The following ZNF536 variants were observed in gnomAD, a reference collection of about 807,000 sequenced individuals.
ZNF536 encodes zinc finger protein 536.
A neutral mutation model predicts 84.5 loss-of-function variants in ZNF536; 13 were observed. That is an observed-to-expected ratio of 0.15 (90% confidence interval 0.10 to 0.24). The LOEUF (loss-of-function observed/expected upper bound fraction) is 0.24, where lower values mean the gene tolerates loss of function less well. ZNF536 is among the 10% of genes least tolerant of loss of function. The pLI, the probability that ZNF536 is intolerant of heterozygous loss-of-function variation, is 1.00. For missense variants in ZNF536, 1,536 were observed against 1,747.5 expected (o/e 0.88, Z 2.16); for synonymous variants, 811 against 742.5 (o/e 1.09, Z -1.50).
chr19:30,287,694 A>G (rs1442044658), intron 2 of ZNF536, among the ~76,000 whole-genome samples: 8 of 116,566 alleles, frequency 6.9e-5, no homozygotes, highest in South Asian at 3.3e-4. Flanking sequence ...GGATGGATGG[A>G]TGGATGGATG....
intron 2 of ZNF536, among the ~76,000 whole-genome samples, chr19:30,493,842 G>A (rs1006104671): frequency 6.6e-6 from 1 of 151,378 alleles, no homozygotes; most frequent in Non-Finnish European, 1.5e-5. Flanking sequence ...GGGAGATACG[G>A]TGTGTAAAGC....
At chr19:30,586,844 G>T (rs1599890738) in intron 1 of ZNF536, among the ~76,000 whole-genome samples, 1 of 152,150 alleles carries the variant, frequency 6.6e-6, no homozygotes, top group East Asian at 1.9e-4. Flanking sequence ...TCAACTTCAA[G>T]AATCAGTTGC....
chr19:30,484,386 C>G (rs555492664), intron 2 of ZNF536, among the ~76,000 whole-genome samples: 1 of 146,678 alleles, frequency 6.8e-6, no homozygotes, highest in South Asian at 2.1e-4. Flanking sequence ...ACCGTCATGC[C>G]CAGCTTTTTT....
intron 1 of ZNF536, among the ~76,000 whole-genome samples, chr19:30,412,148 C>T (rs905084135): frequency 5.9e-5 from 9 of 151,902 alleles, no homozygotes; most frequent in Non-Finnish European, 1.3e-4. Flanking sequence ...TTCTTTGGAT[C>T]TTTTAGGTAC....
intron 2 of ZNF536, among the ~76,000 whole-genome samples, chr19:30,326,335 C>T (rs1242615350): frequency 1.3e-5 from 2 of 152,122 alleles, no homozygotes; most frequent in African/African-American, 4.8e-5. Flanking sequence ...ACAGTGGGCT[C>T]AGAAAGTCTG....
In ZNF536 at chr19:30,266,223, T is replaced by C. The variant is rs1024533426; in HGVS notation, c.-189-17849T>C. 2.0e-5 allele frequency among the ~76,000 whole-genome samples: 3 copies of C among 152,032 alleles called. No individual in the cohort carries two copies. In the East Asian group the frequency reaches 5.8e-4, roughly 29 times the overall value. On this transcript the variant is annotated intron_variant, in intron 1 of 5. Coordinates refer to the ZNF536 transcript ENST00000585628. ...GCCACCATGCCTGGCTAATTTTTAA[T>C]TTTTTTTGTAGAGAGGGGGTCTCAC...
At chr19:30,627,714 T>A (rs2048738722) in intron 1 of ZNF536, among the ~76,000 whole-genome samples, 1 of 152,202 alleles carries the variant, frequency 6.6e-6, no homozygotes, top group Middle Eastern at 3.2e-3. Flanking sequence ...TATGATGCGC[T>A]GAGCTGTAGA....
At chr19:30,666,421 C>A (rs1173568544) in intron 1 of ZNF536, among the ~76,000 whole-genome samples, 1 of 152,162 alleles carries the variant, frequency 6.6e-6, no homozygotes, top group South Asian at 2.1e-4. Flanking sequence ...ACTCCCTCCT[C>A]TCTTTTCTCC....
At chr19:30,486,315 T>C (rs1304871151) in intron 2 of ZNF536, among the ~76,000 whole-genome samples, 1 of 152,200 alleles carries the variant, frequency 6.6e-6, no homozygotes, top group Non-Finnish European at 1.5e-5. Context: ...TGTGTTCTTA[T>C]CGTTCAGCTC....
At chr19:30,633,564 T>C (rs1282745178) in intron 1 of ZNF536, among the ~76,000 whole-genome samples, 1 of 152,234 alleles carries the variant, frequency 6.6e-6, no homozygotes, top group Non-Finnish European at 1.5e-5. Flanking sequence ...TAACCACCAT[T>C]CTGCTCTCTG....
chr19:30,326,876 G>C (rs1284001353), intron 2 of ZNF536, among the ~76,000 whole-genome samples: 1 of 144,726 alleles, frequency 6.9e-6, no homozygotes, highest in Non-Finnish European at 1.5e-5. Context: ...GGGAGGCTGA[G>C]GCGGGAGGAT....
At chr19:30,382,095 G>A (rs2049044148) in intron 1 of ZNF536, among the ~76,000 whole-genome samples, 1 of 152,190 alleles carries the variant, frequency 6.6e-6, no homozygotes, top group South Asian at 2.1e-4. Context: ...TTTGGCTGAT[G>A]TGTTCACTTC....
chr19:30,275,115 G>A (rs1043749740), intron 1 of ZNF536, among the ~76,000 whole-genome samples: 12 of 152,288 alleles, frequency 7.9e-5, no homozygotes, highest in African/African-American at 2.6e-4. Flanking sequence ...AAAGACATTG[G>A]GTGGAGCGAG....
At position 30,444,210 on chromosome 19, in the gene ZNF536, C is replaced by T. The variant is rs771139840; in HGVS notation, c.648C>T (p.Ser216=). The T allele has an allele frequency of 7.0e-4, 1,079 of 1,548,872 alleles. 1 individual carries two copies. Among genetic ancestry groups the T allele is most frequent in the Non-Finnish European group, 8.9e-4 (1,026 of 1,152,030 alleles). Residue 216 remains serine, a synonymous_variant, in exon 2 of 5, where the codon AGC becomes AGT. Transcript: ENST00000355537. ...TGCGGGACAAGCAGCTGAAAGGCAG[C>T]CTGCTGCAGCCCCGGCCGGACCTGA... The part of the protein sequence containing the change: ...AILRDKQLKG[S]LLQPRPDLKP...
intron 1 of ZNF536, among the ~76,000 whole-genome samples, chr19:30,577,378 G>A (rs1222195779): frequency 6.6e-6 from 1 of 152,102 alleles, no homozygotes; most frequent in Non-Finnish European, 1.5e-5. Flanking sequence ...GGGGGTTGGG[G>A]TAATATACTG....
intron 1 of ZNF536, among the ~76,000 whole-genome samples, chr19:30,253,342 T>A (rs1314618101): frequency 1.3e-5 from 2 of 152,242 alleles, no homozygotes; most frequent in African/African-American, 4.8e-5. Flanking sequence ...CATGTCTCTA[T>A]CAAAATTTTA....
chr19:30,246,693 A>T (rs1207822295), intron 1 of ZNF536, among the ~76,000 whole-genome samples: 1 of 152,218 alleles, frequency 6.6e-6, no homozygotes, highest in Non-Finnish European at 1.5e-5. Flanking sequence ...TCTTTGGAAA[A>T]TATTTAGAAT....
At chr19:30,698,858 G>A (rs541258864) in intron 1 of ZNF536, among the ~76,000 whole-genome samples, 14 of 152,272 alleles carry the variant, frequency 9.2e-5, no homozygotes, top group East Asian at 7.7e-4. Flanking sequence ...GATATGCTCC[G>A]TCTCCTTGAG....
chr19:30,438,667 T>C (rs2051867828), intron 1 of ZNF536, among the ~76,000 whole-genome samples: 1 of 152,160 alleles, frequency 6.6e-6, no homozygotes, highest in African/African-American at 2.4e-5. Flanking sequence ...TTTTAAAAAA[T>C]TATCTTTTAA....
Sources: gnomAD v4.1 joint callset for allele counts (sites outside exome capture counted in the v4.1 genomes callset) on GRCh38, gnomAD v4.1.1 for gene constraint, MANE v1.5 for transcripts, NCBI Gene and HGNC (gene_info 2026-07-23, HGNC 2026-07-21) for gene names.